Variants in ATP2B2 observed in about 807,000 individuals in gnomAD.
ATP2B2 encodes the protein ATPase plasma membrane Ca2+ transporting 2, also known as plasma membrane calcium-transporting ATPase 2.
In ATP2B2, 15 loss-of-function variants were observed where a neutral mutation model predicts 120.0. That is an observed-to-expected ratio of 0.12 (90% CI 0.08 to 0.19). ATP2B2 has a LOEUF of 0.19. Ranked by LOEUF, ATP2B2 falls within the 10% of genes least tolerant of loss-of-function variation. ATP2B2 has a pLI of 1.00. For synonymous variants in ATP2B2, 694 were observed against 700.3 expected, an observed-to-expected ratio of 0.99 and a Z score of 0.14; for missense variants, 1,045 against 1,719.8, an observed-to-expected ratio of 0.61 and a Z score of 6.94.
intron 2 of ATP2B2, among the ~76,000 whole-genome samples, chr3:10,548,333 A>G (rs2067594847): frequency 1.3e-5 from 2 of 152,306 alleles, no homozygotes; most frequent in South Asian, 4.2e-4. Flanking sequence ...AGATCTAACC[A>G]CCATGGGGCA....
At chr3:10,566,661 CTAAA>C (rs1356498720) in intron 2 of ATP2B2, among the ~76,000 whole-genome samples, 1 of 152,094 alleles carries the variant, frequency 6.6e-6, no homozygotes, top group Non-Finnish European at 1.5e-5. Context: ...GATGTGAGGG[CTAAA>C]TAAATACATT....
At chr3:10,379,204 C>T in intron 9 of ATP2B2, 39 bp downstream of exon 9, 1 of 1,607,956 alleles carries the variant, frequency 6.2e-7, no homozygotes, top group East Asian at 2.2e-5. Flanking sequence ...GGGGAGGGGC[C>T]TCAGGGACGA....
chr3:10,437,452 T>C (rs954908086), intron 2 of ATP2B2, among the ~76,000 whole-genome samples: 3 of 152,166 alleles, frequency 2.0e-5, no homozygotes, highest in African/African-American at 7.2e-5. Context: ...AGCTAGTGGG[T>C]GGCAAAGCTG....
At chr3:10,698,986 C>T (rs370772412) in intron 1 of ATP2B2, among the ~76,000 whole-genome samples, 3 of 152,308 alleles carry the variant, frequency 2.0e-5, no homozygotes, top group South Asian at 2.1e-4. Context: ...TAAAGCCCTA[C>T]GGGCCTTGAA....
chr3:10,571,311 G>C (rs2068120191), intron 2 of ATP2B2, among the ~76,000 whole-genome samples: 1 of 152,248 alleles, frequency 6.6e-6, no homozygotes, highest in East Asian at 1.9e-4. Flanking sequence ...GTGGTGCCAG[G>C]AACAGAGCCT....
intron 1 of ATP2B2, among the ~76,000 whole-genome samples, chr3:10,476,996 A>G (rs1196033722): frequency 6.6e-6 from 1 of 152,218 alleles, no homozygotes; most frequent in Non-Finnish European, 1.5e-5. Flanking sequence ...AAAGTCACTT[A>G]GTCTAGTCTG....
intron 22 of ATP2B2, among the ~76,000 whole-genome samples, chr3:10,333,431 A>G (rs1312564643): frequency 6.6e-6 from 1 of 152,042 alleles, no homozygotes; most frequent in East Asian, 1.9e-4. Flanking sequence ...CTGTGGGAGG[A>G]AAGCACACTG....
chr3:10,503,828 G>A (rs116498668), intron 1 of ATP2B2, among the ~76,000 whole-genome samples: 3,172 of 152,342 alleles, frequency 0.021, 86 homozygotes, highest in African/African-American at 0.069. Context: ...AGGGCACTGT[G>A]TGCAGCCTAC....
At chr3:10,499,509 C>T (rs1181122690) in intron 1 of ATP2B2, among the ~76,000 whole-genome samples, 3 of 152,216 alleles carry the variant, frequency 2.0e-5, no homozygotes, top group East Asian at 1.9e-4. Context: ...CACATTTTAG[C>T]GATTAGTACT....
At chr3:10,493,951 C>T (rs1166105898) in intron 1 of ATP2B2, among the ~76,000 whole-genome samples, 9 of 152,140 alleles carry the variant, frequency 5.9e-5, no homozygotes, top group Non-Finnish European at 1.5e-5. Context: ...CACATGGCCA[C>T]ATTTCTAACT....
chr3:10,664,910 G>A (rs2070887150), intron 1 of ATP2B2, among the ~76,000 whole-genome samples: 1 of 152,128 alleles, frequency 6.6e-6, no homozygotes, highest in Non-Finnish European at 1.5e-5. Flanking sequence ...AAACCTGGGA[G>A]CTATTTGGAC....
At chr3:10,582,193 T>G in intron 2 of ATP2B2, among the ~76,000 whole-genome samples, 1 of 152,024 alleles carries the variant, frequency 6.6e-6, no homozygotes, top group South Asian at 2.1e-4. Context: ...TTGGGGTCGT[T>G]GTTTCTTGGG....
chr3:10,689,756 T>A (rs921756064), intron 1 of ATP2B2, among the ~76,000 whole-genome samples: 1 of 152,190 alleles, frequency 6.6e-6, no homozygotes, highest in Admixed American at 6.5e-5. Flanking sequence ...GATGCTGTAC[T>A]CCAGCACGTG....
chr3:10,623,190 G>A (rs2069600316), intron 1 of ATP2B2, among the ~76,000 whole-genome samples: 1 of 151,642 alleles, frequency 6.6e-6, no homozygotes, highest in Non-Finnish European at 1.5e-5. Flanking sequence ...AGCCTCCTGA[G>A]TAGCTGGGAG....
At chr3:10,609,992 T>G (rs933210758) in intron 2 of ATP2B2, among the ~76,000 whole-genome samples, 1 of 152,090 alleles carries the variant, frequency 6.6e-6, no homozygotes, top group Non-Finnish European at 1.5e-5. Flanking sequence ...CCTGACTCAG[T>G]CTGACCATTC....
rs924196530 is a variant in ATP2B2, at chr3:10,449,764, G to A, written c.-221C>T. The A allele has an allele frequency of 4.8e-6, 3 of 622,758 alleles. No individual in the cohort carries two copies. The highest frequency in any genetic ancestry group is 8.7e-6 in the Non-Finnish European group (3 of 344,446). 38.6% of individuals were successfully genotyped at this position (622,758 alleles called of 1,614,324 possible). A position where few individuals can be genotyped will look rare whatever the true frequency, so the allele number is the denominator to read the frequency against. The stretch of plus-strand genomic sequence containing the variant: ...CCTCCGGTGTGGGACGAGGTCCAGG[G>A]GCCGGAGGGGCTCAGGGCTGTAGAC... On this transcript the variant is annotated 5_prime_UTR_variant, in exon 2 of 23. Transcript: ENST00000360273.
intron 1 of ATP2B2, among the ~76,000 whole-genome samples, chr3:10,636,422 A>G (rs997319911): frequency 3.3e-5 from 5 of 152,172 alleles, no homozygotes; most frequent in African/African-American, 9.7e-5. Context: ...AGGGGGCTGG[A>G]TGTCTAAGAC....
chr3:10,378,466 G>T, intron 9 of ATP2B2, 56 bp from the exon 10 acceptor site: 1 of 1,596,270 alleles, frequency 6.3e-7, no homozygotes, highest in Non-Finnish European at 8.5e-7. Flanking sequence ...CACACATGCA[G>T]GTCAGCCCAC....
At chr3:10,398,100 A>C (rs2062100522) in intron 5 of ATP2B2, among the ~76,000 whole-genome samples, 1 of 152,118 alleles carries the variant, frequency 6.6e-6, no homozygotes, top group Non-Finnish European at 1.5e-5. Flanking sequence ...CTGGATCCTG[A>C]CACTTGCTTT....
Sources: gnomAD v4.1 joint callset for allele counts (sites outside exome capture counted in the v4.1 genomes callset) on GRCh38, gnomAD v4.1.1 for gene constraint, MANE v1.5 for transcripts, NCBI Gene and HGNC (gene_info 2026-07-23, HGNC 2026-07-21) for gene names.